The following RBFOX1 variants were observed in gnomAD, a reference collection of about 807,000 sequenced individuals.
RBFOX1 encodes the protein RNA binding protein fox-1 homolog 1.
RBFOX1 carries 8 observed loss-of-function variants against 57.7 expected under a neutral mutation model. The ratio of observed to expected loss-of-function variants is 0.14; its 90% confidence interval spans 0.08 to 0.25. The LOEUF is 0.25. RBFOX1 is among the 10% of genes least tolerant of loss of function. The probability of loss-of-function intolerance (pLI) is 1.00; values close to 1 mark genes in which losing one functional copy is unlikely to be tolerated. For synonymous variants in RBFOX1, 326 were observed against 222.4 expected, an observed-to-expected ratio of 1.47 and a Z score of -4.15; for missense variants, 611 against 548.5, an observed-to-expected ratio of 1.11 and a Z score of -1.14.
intron 4 of RBFOX1, among the ~76,000 whole-genome samples, chr16:7,196,776 T>C (rs918528994): frequency 2.0e-5 from 3 of 152,012 alleles, no homozygotes; most frequent in Non-Finnish European, 2.9e-5. Context: ...GGGCAGGCTT[T>C]TGAGGATGGG....
At chr16:7,630,951 C>G (rs762844720) in intron 11 of RBFOX1, among the ~76,000 whole-genome samples, 1 of 152,154 alleles carries the variant, frequency 6.6e-6, no homozygotes, top group Non-Finnish European at 1.5e-5. Context: ...GGGTGGGAAG[C>G]TTTAGCTCAT....
At chr16:6,839,547 C>G (rs554217023) in intron 3 of RBFOX1, among the ~76,000 whole-genome samples, 7 of 152,290 alleles carry the variant, frequency 4.6e-5, no homozygotes, top group Admixed American at 6.5e-5. Context: ...AGGAGGGTAT[C>G]TGAGAACACT....
chr16:6,318,293 A>C (rs1053315080), intron 2 of RBFOX1, among the ~76,000 whole-genome samples: 1 of 152,212 alleles, frequency 6.6e-6, no homozygotes, highest in Non-Finnish European at 1.5e-5. Flanking sequence ...TACGTGCCAC[A>C]TCTATCTTTT....
intron 7 of RBFOX1, among the ~76,000 whole-genome samples, chr16:7,588,144 A>C (rs1392765353): frequency 6.6e-6 from 1 of 152,252 alleles, no homozygotes; most frequent in South Asian, 2.1e-4. Context: ...GCACCACTGC[A>C]CCACAGCCTC....
chr16:7,178,214 C>G (rs922489879), intron 4 of RBFOX1, among the ~76,000 whole-genome samples: 6 of 152,244 alleles, frequency 3.9e-5, no homozygotes, highest in African/African-American at 1.4e-4. Context: ...AAACTTTCCT[C>G]CACACAGTGA....
At chr16:5,466,818 T>G (rs1168257273) in intron 1 of RBFOX1, among the ~76,000 whole-genome samples, 1 of 151,356 alleles carries the variant, frequency 6.6e-6, no homozygotes, top group East Asian at 1.9e-4. Flanking sequence ...GAAGTCTCCT[T>G]CTTGTCATTC....
chr16:7,168,922 T>TA (rs2080123286), intron 4 of RBFOX1, among the ~76,000 whole-genome samples: 1 of 152,166 alleles, frequency 6.6e-6, no homozygotes. Flanking sequence ...GTCATATATA[T>TA]TTTTAAAGGT....
intron 2 of RBFOX1, among the ~76,000 whole-genome samples, chr16:5,580,779 C>T (rs532214576): frequency 1.3e-4 from 20 of 152,150 alleles, no homozygotes; most frequent in Admixed American, 4.6e-4. Flanking sequence ...GGTGGGATTC[C>T]AGCGAAGGGC....
At chr16:5,266,197 A>G (rs981022912) in intron 1 of RBFOX1, among the ~76,000 whole-genome samples, 1 of 152,130 alleles carries the variant, frequency 6.6e-6, no homozygotes, top group Non-Finnish European at 1.5e-5. Context: ...CAGCTGTGAC[A>G]CTGCTGACAT....
At position 5,424,909 on chromosome 16, in the gene RBFOX1, T is replaced by C. The variant is rs1160406410; in HGVS notation, c.220-42307T>C. ...TTTCTTTCTTTCTTTCTTTCTTTCT[T>C]TCTTTCTTTCTTTCTTTCTTTCTTT... On this transcript the variant is annotated intron_variant, in intron 1 of 2. Coordinates refer to the RBFOX1 transcript ENST00000585867. Among the ~76,000 whole-genome samples the C allele has an allele frequency of 2.2e-4, 24 of 108,622 alleles. 1 individual carries two copies. The highest frequency in any genetic ancestry group is 3.6e-4 in the African/African-American group (9 of 24,996). 71.3% of individuals were successfully genotyped at this position (108,622 alleles called of 152,430 possible).
intron 2 of RBFOX1, among the ~76,000 whole-genome samples, chr16:6,574,135 T>C (rs2097387115): frequency 6.6e-6 from 1 of 152,150 alleles, no homozygotes; most frequent in African/African-American, 2.4e-5. Flanking sequence ...CAAGGAGATG[T>C]GGGTTTCCAT....
chr16:7,504,773 A>ATATATATATATT (rs1567554954), intron 4 of RBFOX1, among the ~76,000 whole-genome samples: 11 of 9,370 alleles, frequency 1.2e-3, no homozygotes, highest in African/African-American at 2.6e-3. Flanking sequence ...ATATATATTT[A>ATATATATATATT]TATATATATA....
At chr16:6,220,132 A>T (rs1464399967) in intron 1 of RBFOX1, among the ~76,000 whole-genome samples, 2 of 152,042 alleles carry the variant, frequency 1.3e-5, no homozygotes, top group Non-Finnish European at 2.9e-5. Context: ...TCTGTATATC[A>T]TCTATCTCGA....
intron 4 of RBFOX1, among the ~76,000 whole-genome samples, chr16:5,903,647 T>C (rs979243479): frequency 6.6e-6 from 1 of 152,054 alleles, no homozygotes; most frequent in Admixed American, 6.6e-5. Flanking sequence ...TGAAAAAAAG[T>C]CTATGTGTTT....
intron 3 of RBFOX1, among the ~76,000 whole-genome samples, chr16:6,734,480 A>G (rs1389032397): frequency 6.6e-6 from 1 of 152,200 alleles, no homozygotes; most frequent in Non-Finnish European, 1.5e-5. Flanking sequence ...GCCTCATTAC[A>G]GATGAGGACA....
intron 1 of RBFOX1, among the ~76,000 whole-genome samples, chr16:6,029,495 C>A (rs551420658): frequency 6.6e-6 from 1 of 152,116 alleles, no homozygotes; most frequent in South Asian, 2.1e-4. Flanking sequence ...AAAACATGGC[C>A]GGGCGTGGTG....
intron 3 of RBFOX1, among the ~76,000 whole-genome samples, chr16:6,976,351 C>T (rs1355484531): frequency 6.6e-6 from 1 of 152,154 alleles, no homozygotes; most frequent in East Asian, 1.9e-4. Context: ...CTTGTTCTAG[C>T]ATTCAGTCCT....
At chr16:6,636,783 A>AATATATTTTATATATAATATATAAT (rs1567981466) in intron 2 of RBFOX1, among the ~76,000 whole-genome samples, 1 of 36,634 alleles carries the variant, frequency 2.7e-5, no homozygotes. Flanking sequence ...TAATATATAT[A>AATATATTTTATATATAATATATAAT]ATATATAATA....
At chr16:6,575,937 A>G (rs1390058661) in intron 2 of RBFOX1, among the ~76,000 whole-genome samples, 1 of 152,096 alleles carries the variant, frequency 6.6e-6, no homozygotes, top group Non-Finnish European at 1.5e-5. Context: ...CCAGTTTTTG[A>G]TTAATCAGTG....
Sources: allele counts gnomAD v4.1 joint callset (sites outside exome capture counted in the v4.1 genomes callset), GRCh38; gene constraint gnomAD v4.1.1; transcripts MANE v1.5; gene names NCBI Gene and HGNC (gene_info 2026-07-23, HGNC 2026-07-21).